Variants in WDPCP observed in about 807,000 individuals in gnomAD.
The protein encoded by WDPCP is WD repeat-containing and planar cell polarity effector protein fritz homolog.
WDPCP carries 71 observed loss-of-function variants against 93.1 expected under a neutral mutation model. That is an observed-to-expected ratio of 0.76 (90% CI 0.63 to 0.93). WDPCP has a LOEUF of 0.93. Among genes scored for constraint, WDPCP ranks in the 40% least tolerant of loss-of-function variants. WDPCP has a pLI of 0.00. For synonymous variants in WDPCP, 315 were observed against 315.0 expected, an observed-to-expected ratio of 1.00 and a Z score of 0.00; for missense variants, 844 against 887.4, an observed-to-expected ratio of 0.95 and a Z score of 0.62.
chr2:63,784,816 T>C (rs952279978), intron 2 of WDPCP, among the ~76,000 whole-genome samples: 1 of 152,192 alleles, frequency 6.6e-6, no homozygotes, highest in Non-Finnish European at 1.5e-5. Flanking sequence ...ATTGAAACTA[T>C]ATGAGGAACC....
At chr2:63,267,223 T>C (rs1682209428) in intron 13 of WDPCP, among the ~76,000 whole-genome samples, 1 of 152,200 alleles carries the variant, frequency 6.6e-6, no homozygotes, top group East Asian at 1.9e-4. Context: ...GAACATGCAA[T>C]GGGAAAGAAC....
chr2:63,621,608 A>G (rs1314770305), intron 3 of WDPCP, among the ~76,000 whole-genome samples: 1 of 152,174 alleles, frequency 6.6e-6, no homozygotes, highest in African/African-American at 2.4e-5. Context: ...TCTTCAGGAT[A>G]TTATCCAGGA....
At chr2:63,570,539 T>C (rs1318514153) in intron 1 of WDPCP, among the ~76,000 whole-genome samples, 2 of 152,158 alleles carry the variant, frequency 1.3e-5, no homozygotes, top group Non-Finnish European at 2.9e-5. Context: ...CAAGGGATGA[T>C]GAACTTGGGA....
intron 3 of WDPCP, among the ~76,000 whole-genome samples, chr2:63,614,072 T>C (rs1469610249): frequency 1.3e-5 from 2 of 152,314 alleles, no homozygotes; most frequent in African/African-American, 4.8e-5. Context: ...TGACCGTCAC[T>C]ATCCCACCAC....
chr2:63,819,643 T>A (rs1206018941), intron 1 of WDPCP, among the ~76,000 whole-genome samples: 2 of 152,132 alleles, frequency 1.3e-5, no homozygotes, highest in African/African-American at 4.8e-5. Flanking sequence ...AGTTCCCGGG[T>A]GATACTGTTG....
At chr2:63,148,583 G>GTGTGAAT (rs1671679841) in intron 17 of WDPCP, among the ~76,000 whole-genome samples, 3 of 151,480 alleles carry the variant, frequency 2.0e-5, no homozygotes. Context: ...TGAATTTCTG[G>GTGTGAAT]CCTCACGTGA....
chr2:63,733,767 C>T (rs1443709414), intron 2 of WDPCP, among the ~76,000 whole-genome samples: 3 of 152,072 alleles, frequency 2.0e-5, no homozygotes, highest in Non-Finnish European at 4.4e-5. Context: ...TATAATTCAC[C>T]TACCATAATA....
intron 12 of WDPCP, among the ~76,000 whole-genome samples, chr2:63,329,290 T>A (rs1400403985): frequency 6.6e-6 from 1 of 152,180 alleles, no homozygotes; most frequent in Non-Finnish European, 1.5e-5. Context: ...GTCATATTTG[T>A]CTGCTGTTCC....
At chr2:63,622,300 G>A in intron 3 of WDPCP, 3 of 1,601,634 alleles carry the variant, frequency 1.9e-6, no homozygotes, top group Non-Finnish European at 2.6e-6. Context: ...GCTGTCTCAA[G>A]TGTTTTGGAA....
intron 1 of WDPCP, among the ~76,000 whole-genome samples, chr2:63,585,835 C>CTTT (rs11309831): frequency 3.9e-5 from 4 of 103,102 alleles, no homozygotes; most frequent in Non-Finnish European, 5.8e-5. Context: ...AAATAATTTT[C>CTTT]TTTTTTTTTT....
intron 2 of WDPCP, among the ~76,000 whole-genome samples, chr2:63,792,506 T>G (rs1440907581): frequency 6.6e-6 from 1 of 152,130 alleles, no homozygotes; most frequent in Non-Finnish European, 1.5e-5. Flanking sequence ...CATATCAACA[T>G]GTCAGCCCTG....
At chr2:63,459,347 T>A (rs146273606) in intron 6 of WDPCP, among the ~76,000 whole-genome samples, 193 of 151,952 alleles carry the variant, frequency 1.3e-3, no homozygotes, top group Non-Finnish European at 1.8e-3. Flanking sequence ...ACCCAGCACA[T>A]ACAAGGAATT....
At chr2:63,445,594 G>C (rs1261876744) in intron 6 of WDPCP, among the ~76,000 whole-genome samples, 2 of 152,098 alleles carry the variant, frequency 1.3e-5, no homozygotes, top group African/African-American at 4.8e-5. Flanking sequence ...AAAAGAAAAA[G>C]AGCACCAAGA....
chr2:63,519,574 A>T (rs546058078), intron 1 of WDPCP, among the ~76,000 whole-genome samples: 94 of 152,286 alleles, frequency 6.2e-4, no homozygotes, highest in African/African-American at 2.2e-3. Flanking sequence ...TGAGAGAACA[A>T]ATCTGGGGGC....
chr2:63,176,974 G>C (rs551867694), intron 14 of WDPCP, among the ~76,000 whole-genome samples: 16 of 152,280 alleles, frequency 1.1e-4, no homozygotes, highest in Non-Finnish European at 2.1e-4. Context: ...TCTTTTGCAT[G>C]GGGATATCCA....
chr2:63,407,727 T>C (rs1190830526), intron 9 of WDPCP, among the ~76,000 whole-genome samples: 2 of 152,274 alleles, frequency 1.3e-5, no homozygotes, highest in East Asian at 1.9e-4. Context: ...TTTTACACTT[T>C]TTTGTACCTG....
chr2:63,295,250 A>T (rs1242771111), intron 13 of WDPCP, among the ~76,000 whole-genome samples: 1 of 152,122 alleles, frequency 6.6e-6, no homozygotes, highest in Non-Finnish European at 1.5e-5. Flanking sequence ...GGACAAAAAA[A>T]GCTGTATGGT....
At chr2:63,741,298 G>A (rs1329358254) in intron 2 of WDPCP, among the ~76,000 whole-genome samples, 1 of 151,884 alleles carries the variant, frequency 6.6e-6, no homozygotes, top group Non-Finnish European at 1.5e-5. Context: ...CAGGTCCCTC[G>A]GACCTTCTTT....
At chr2:63,524,628 G>A (rs1041325590) in intron 1 of WDPCP, among the ~76,000 whole-genome samples, 3 of 152,088 alleles carry the variant, frequency 2.0e-5, no homozygotes, top group African/African-American at 7.2e-5. Context: ...ATTTAAATGT[G>A]AAACCTAAAA....
Sources: gnomAD v4.1 joint callset for allele counts (sites outside exome capture counted in the v4.1 genomes callset) on GRCh38, gnomAD v4.1.1 for gene constraint, MANE v1.5 for transcripts, NCBI Gene and HGNC (gene_info 2026-07-23, HGNC 2026-07-21) for gene names.